Variants in DSP observed in about 807,000 individuals in gnomAD.
DSP encodes the protein 250/210 kDa paraneoplastic pemphigus antigen.
Under a neutral mutation model 290.6 loss-of-function variants are expected in DSP, and 114 were observed. The ratio of observed to expected loss-of-function variants is 0.39; its 90% CI spans 0.34 to 0.46. The LOEUF is 0.46. Ranked by LOEUF, DSP falls within the 20% of genes least tolerant of loss-of-function variation. The pLI, the probability that DSP is intolerant of heterozygous loss-of-function variation, is 0.99. For synonymous variants in DSP, 1,311 were observed against 1,316.4 expected (o/e 1.00, Z 0.09); for missense variants, 3,230 against 3,495.8 (o/e 0.92, Z 1.92).
intron 1 of DSP, among the ~76,000 whole-genome samples, chr6:7,552,885 T>C (rs769054034): frequency 6.6e-6 from 1 of 150,780 alleles, no homozygotes; most frequent in Non-Finnish European, 1.5e-5. Flanking sequence ...GTGGTATAAC[T>C]AATCAGTCTA....
intron 1 of DSP, among the ~76,000 whole-genome samples, chr6:7,548,495 G>T (rs1320084566): frequency 6.6e-6 from 1 of 152,174 alleles, no homozygotes; most frequent in Non-Finnish European, 1.5e-5. Context: ...AAGTGGCTGA[G>T]CTGGGCGTGG....
rs1674247629 is a variant in DSP, at chr6:7,568,294, G to T, written c.1267-143G>T. On this transcript the variant is annotated intron_variant, in intron 10 of 23. Coordinates refer to ENST00000379802, the MANE Select transcript of DSP (RefSeq NM_004415.4). ...GTCATGAAAGGTTCTCATGTTTCCTGCCGACGAATTTGTGATTTTTTACAA... is the reference window on the plus strand; with the variant it reads ...GTCATGAAAGGTTCTCATGTTTCCTTCCGACGAATTTGTGATTTTTTACAA... 6 of 927,592 alleles carry T rather than the reference G, an allele frequency of 6.5e-6. No homozygotes were observed. The South Asian group carries it at 9.1e-5, about 14-fold the overall frequency. 57.5% of individuals were successfully genotyped at this position (927,592 alleles called of 1,614,324 possible).
chr6:7,561,852 T>C (rs1758703116), intron 4 of DSP, among the ~76,000 whole-genome samples: 1 of 152,174 alleles, frequency 6.6e-6, no homozygotes, highest in Non-Finnish European at 1.5e-5. Flanking sequence ...ATGACACAGG[T>C]GATTTGGAAA....
chr6:7,555,739 G>T lies in DSP; in HGVS notation c.192G>T (p.Arg64Ser), dbSNP rs908789038. The T allele has an allele frequency of 1.9e-6, 3 of 1,614,198 alleles. No homozygotes were observed. In the South Asian group the frequency reaches 3.3e-5, roughly 18 times the overall value. ...TTAGTCAAACCGGCACGATGTCCAG[G>T]CACCAGAACCAGAACACCATCCAGG... ...DGYCQTGTMS[R>S]HQNQNTIQEL... The change falls in exon 2 of 24, where the codon AGG (arginine) becomes AGT (serine). Residue 64 changes from arginine (R) to serine (S), a missense_variant. This residue lies in a region of DSP where 646 missense variants were observed against 684.3 expected (regional missense o/e 0.94). Transcript: ENST00000379802.
Position 7,580,501 on chromosome 6 carries a change from C to A in DSP, c.4311C>A (p.Gly1437=). The part of the protein sequence containing the change: ...EEDIQQQKAT[G]SEVSQRKQQL... ...ACATCCAACAGCAAAAGGCCACTGG[C>A]TCTGAGGTGTCTCAGAGGAAACAGC... The change falls in exon 23 of 24, where the codon GGC becomes GGA. Residue 1437 remains glycine (G), a synonymous_variant. Coordinates refer to ENST00000379802, the MANE Select transcript of DSP (RefSeq NM_004415.4). This position sits in a 1 kb window ranked among gnomAD's most constrained non-coding sequence, Gnocchi z 4.2. 1.2e-6 allele frequency: 2 copies of A among 1,614,076 alleles called. No individual in the cohort carries two copies. Among genetic ancestry groups the A allele is most frequent in the Non-Finnish European group, 1.7e-6 (2 of 1,180,016 alleles).
At chr6:7,566,584 C>G in intron 8 of DSP, 103 bp downstream of exon 8, 1 of 956,854 alleles carries the variant, frequency 1.0e-6, no homozygotes, top group Non-Finnish European at 1.6e-6. Context: ...GCCGTGCCAA[C>G]TTTATTTTCT....
chr6:7,563,840 T>G, intron 6 of DSP, 54 bp downstream of exon 6: 1 of 1,528,112 alleles, frequency 6.5e-7, no homozygotes, highest in Middle Eastern at 1.7e-4. Context: ...CCAATTCAAT[T>G]CAGTTCAAGA....
chr6:7,552,372 A>T (rs905491930), intron 1 of DSP, among the ~76,000 whole-genome samples: 18 of 150,772 alleles, frequency 1.2e-4, no homozygotes, highest in Non-Finnish European at 2.9e-5. Context: ...CCTGACCAAC[A>T]TGGTGAAACC....
At position 7,584,864 on chromosome 6, in the gene DSP, T is replaced by C. The variant is rs1759582923; in HGVS notation, c.7602T>C (p.Ile2534=). The C allele has an allele frequency of 6.2e-7, 1 of 1,614,088 alleles. No individual in the cohort carries two copies. Among genetic ancestry groups the C allele is most frequent in the South Asian group, 1.1e-5 (1 of 91,090 alleles). ...GTCAGTATGATATTCAAGATGCTAT[T>C]GACAAGGGCCTTGTTGACAGGAAGT... The part of the protein sequence containing the change: ...TGSQYDIQDA[I]DKGLVDRKFF... Residue 2534 remains isoleucine (I), a synonymous_variant, in exon 24 of 24, where the codon ATT becomes ATC. Coordinates refer to ENST00000379802, the MANE Select transcript of DSP (RefSeq NM_004415.4). The surrounding 1 kb of genome is among the most constrained non-coding windows in gnomAD (Gnocchi z 6.4).
chr6:7,580,224 A>C lies in DSP; in HGVS notation c.4034A>C (p.Glu1345Ala), dbSNP rs201964660. The change falls in exon 23 of 24, where the codon GAA becomes GCA. Residue 1345 changes from glutamate to alanine, a missense_variant. Physicochemically the swap from Glu to Ala is moderately radical, Grantham distance 107. Around this residue, in one of 5 missense-constraint regions of DSP, gnomAD observed 1,714 missense variants for 1,844.5 expected, o/e 0.93. Transcript: ENST00000379802. The surrounding 1 kb of genome is among the most constrained non-coding windows in gnomAD (Gnocchi z 4.2). Reference protein sequence around the residue: ...QEEAKRRWEYENELSKVRNNY... With the variant: ...QEEAKRRWEYANELSKVRNNY... Reference sequence around the variant, plus strand: ...GAGGCCAAGCGCCGCTGGGAATATGAAAATGAACTGAGTAAGGTAAGAAAC... The same window carrying C: ...GAGGCCAAGCGCCGCTGGGAATATGCAAATGAACTGAGTAAGGTAAGAAAC... 9.3e-6 allele frequency: 15 copies of C among 1,614,108 alleles called. No homozygotes were observed. Among genetic ancestry groups the C allele is most frequent in the Non-Finnish European group, 1.3e-5 (15 of 1,180,034 alleles).
In DSP at chr6:7,586,062, C is replaced by A; in HGVS notation, c.*184C>A. 1 of 653,666 alleles carries A rather than the reference C, an allele frequency of 1.5e-6. No individual in the cohort carries two copies. The highest frequency in any genetic ancestry group is 2.6e-6 in the Non-Finnish European group (1 of 385,044). The allele number at this position is 653,666 out of a possible 1,614,324, so 40.5% of individuals were successfully genotyped here. On this transcript the variant is annotated 3_prime_UTR_variant, in exon 24 of 24. Transcript: ENST00000379802. ...GTTCTGGCTTTTTATCTTCTTAGCT[C>A]ATCTTAAATAAGCAGTACACTTGGA...
In DSP at chr6:7,563,476, T is replaced by G. The variant is rs150791961; in HGVS notation, c.727-260T>G. Among the ~76,000 whole-genome samples, 190 of 152,298 alleles carry G rather than the reference T, an allele frequency of 1.2e-3. 1 individual carries two copies. The highest frequency in any genetic ancestry group is 4.3e-3 in the African/African-American group (178 of 41,554). ...TGATGTCTTTAAACTTTAAGACAATTTTCTAACACGTGAGTCTTTAAGTGA... is the reference window on the plus strand; with the variant it reads ...TGATGTCTTTAAACTTTAAGACAATGTTCTAACACGTGAGTCTTTAAGTGA... On this transcript the variant is annotated intron_variant, in intron 5 of 23. Transcript: ENST00000379802.
chr6:7,567,379 A>G lies in DSP; in HGVS notation c.1070A>G (p.Gln357Arg). 1 of 1,614,118 alleles carries G rather than the reference A, an allele frequency of 6.2e-7. No individual in the cohort carries two copies. The highest frequency in any genetic ancestry group is 8.5e-7 in the Non-Finnish European group (1 of 1,180,012). ...GCCTATATGGACACTCTGCAGACGC[A>G]GTGGAGTTGGATTCTTCAGATCACC... ...IEAYMDTLQT[Q>R]WSWILQITKC... is the part of the protein sequence containing the mutation. The change falls in exon 9 of 24, where the codon CAG becomes CGG. Residue 357 changes from glutamine to arginine, a missense_variant. Physicochemically the swap from Gln to Arg is conservative, Grantham distance 43. Coordinates refer to ENST00000379802, the MANE Select transcript of DSP (RefSeq NM_004415.4).
chr6:7,544,040 C>T (rs1758098792), intron 1 of DSP, among the ~76,000 whole-genome samples: 1 of 152,076 alleles, frequency 6.6e-6, no homozygotes. Context: ...GGGAAAGAGA[C>T]CCAAGTGAAA....
Position 7,570,491 on chromosome 6 carries a change from C to T in DSP, c.1629C>T (p.Asn543=). 6.2e-7 allele frequency: 1 copy of T among 1,614,108 alleles called. No homozygotes were observed. Among genetic ancestry groups the T allele is most frequent in the Non-Finnish European group, 8.5e-7 (1 of 1,180,014 alleles). ...ILALWNQLYI[N]MKSLVSWHYC... is the part of the protein sequence containing the mutation. ...CTCTGTGGAACCAGCTCTACATCAA[C>T]ATGAAGAGCCTGGTGTCCTGGCACT... The change falls in exon 13 of 24, where the codon AAC becomes AAT. Residue 543 remains asparagine, a synonymous_variant. Coordinates refer to ENST00000379802, the MANE Select transcript of DSP (RefSeq NM_004415.4).
rs746782582 is a variant in DSP at position 7,580,656 on chromosome 6, T to G, written c.4466T>G (p.Leu1489Arg). Reference sequence around the variant, plus strand: ...AAGGAGATAGAAAGGTTAAAACAACTGATCGACAAAGAAACAAATGACCGG... The same window carrying G: ...AAGGAGATAGAAAGGTTAAAACAACGGATCGACAAAGAAACAAATGACCGG... ...KNKEIERLKQ[L>R]IDKETNDRKC... The change falls in exon 23 of 24, where the codon CTG becomes CGG. Residue 1489 changes from leucine (L) to arginine (R), a missense_variant. Physicochemically the swap from Leu to Arg is moderately radical, Grantham distance 102. Transcript: ENST00000379802. The surrounding 1 kb of genome is among the most constrained non-coding windows in gnomAD (Gnocchi z 4.2). 5.6e-6 allele frequency: 9 copies of G among 1,613,832 alleles called. No homozygotes were observed. The African/African-American group carries it at 8.0e-5, about 14-fold the overall frequency.
At chr6:7,570,011 G>A (rs777902218) in intron 12 of DSP, among the ~76,000 whole-genome samples, 2 of 152,160 alleles carry the variant, frequency 1.3e-5, no homozygotes, top group African/African-American at 2.4e-5. Flanking sequence ...AAGAACATTC[G>A]TTTAACAGGT....
chr6:7,573,277 A>T (rs924520108), intron 15 of DSP, among the ~76,000 whole-genome samples: 1 of 152,088 alleles, frequency 6.6e-6, no homozygotes, highest in Admixed American at 6.5e-5. Flanking sequence ...ATTTACCTTT[A>T]AAAAAGAAAG....
intron 2 of DSP, among the ~76,000 whole-genome samples, chr6:7,556,178 T>C (rs752512705): frequency 2.6e-5 from 4 of 152,218 alleles, no homozygotes; most frequent in African/African-American, 9.6e-5. Context: ...GGATGGATCT[T>C]CATGTGCACC....
Sources: allele counts gnomAD v4.1 joint callset (sites outside exome capture counted in the v4.1 genomes callset), GRCh38; gene constraint gnomAD v4.1.1; regional missense constraint gnomAD v4.1.1; non-coding constraint Gnocchi (gnomAD v3.1); transcripts MANE v1.5; gene names NCBI Gene and HGNC (gene_info 2026-07-23, HGNC 2026-07-21).